The following RSRC1 variants were observed in gnomAD, a reference collection of about 807,000 sequenced individuals.
RSRC1 encodes the protein serine/Arginine-related protein 53.
In RSRC1, 39 loss-of-function variants were observed where a neutral mutation model predicts 49.1. The observed-to-expected ratio is 0.79, with a 90% CI of 0.61 to 1.04. The LOEUF (loss-of-function observed/expected upper bound fraction) is 1.04. Ranked by LOEUF, RSRC1 falls within the 50% of genes least tolerant of loss-of-function variation. RSRC1 has a pLI of 0.00. For synonymous variants in RSRC1, 143 were observed against 130.8 expected (o/e 1.09, Z -0.63); for missense variants, 388 against 402.4 (o/e 0.96, Z 0.31).
intron 5 of RSRC1, among the ~76,000 whole-genome samples, chr3:158,321,039 CT>C (rs990041337): frequency 1.3e-4 from 19 of 151,896 alleles, no homozygotes; most frequent in African/African-American, 4.1e-4. Context: ...AATATAAGTA[CT>C]TTTTTTTAAA....
At chr3:158,241,060 A>T (rs532217713) in intron 4 of RSRC1, among the ~76,000 whole-genome samples, 1 of 152,316 alleles carries the variant, frequency 6.6e-6, no homozygotes, top group African/African-American at 2.4e-5. Context: ...ATATGTATGT[A>T]TGTATAGGAA....
intron 1 of RSRC1, among the ~76,000 whole-genome samples, chr3:158,111,068 T>C (rs1047200882): frequency 2.6e-5 from 4 of 152,210 alleles, no homozygotes; most frequent in Non-Finnish European, 4.4e-5. Context: ...TTCAAATGTC[T>C]TATGTTGTCA....
intron 6 of RSRC1, among the ~76,000 whole-genome samples, chr3:158,387,317 C>T (rs147387897): frequency 6.6e-6 from 1 of 152,196 alleles, no homozygotes; most frequent in East Asian, 1.9e-4. Flanking sequence ...TTCTGGACTA[C>T]TCCAACTTTT....
chr3:158,119,160 C>A (rs534428332), intron 1 of RSRC1, among the ~76,000 whole-genome samples: 1 of 152,220 alleles, frequency 6.6e-6, no homozygotes, highest in East Asian at 1.9e-4. Context: ...TACATAAATT[C>A]AATCAATTTT....
intron 6 of RSRC1, among the ~76,000 whole-genome samples, chr3:158,364,816 A>AATAAT (rs1731669009): frequency 6.9e-6 from 1 of 144,210 alleles, no homozygotes; most frequent in Non-Finnish European, 1.5e-5. Context: ...AGAATGGGAA[A>AATAAT]AATAATAATA....
chr3:158,116,939 A>G (rs1714870532), intron 1 of RSRC1, among the ~76,000 whole-genome samples: 1 of 151,818 alleles, frequency 6.6e-6, no homozygotes, highest in Admixed American at 6.6e-5. Context: ...CTGTTGTGAT[A>G]CTCTTCTTTT....
intron 6 of RSRC1, among the ~76,000 whole-genome samples, chr3:158,433,403 GGTAATACAGAGAT>G (rs1397853015): frequency 5.3e-5 from 8 of 151,878 alleles, no homozygotes; most frequent in African/African-American, 1.9e-4. Context: ...GCAAAAATAA[GGTAATACAGAGAT>G]GCTACAGTAC....
intron 3 of RSRC1, among the ~76,000 whole-genome samples, chr3:158,177,979 G>A (rs981295073): frequency 3.3e-5 from 5 of 152,110 alleles, no homozygotes; most frequent in African/African-American, 4.8e-5. Context: ...ATGTGTGTCC[G>A]ATAGGAGTTT....
chr3:158,267,860 A>ATATTTTTTTT (rs1725283454), intron 4 of RSRC1, among the ~76,000 whole-genome samples: 1 of 125,050 alleles, frequency 8.0e-6, no homozygotes, highest in Non-Finnish European at 1.6e-5. Flanking sequence ...TTCCATATCT[A>ATATTTTTTTT]TTTTTTTTTT....
chr3:158,458,556 G>A (rs1458884740), intron 6 of RSRC1, among the ~76,000 whole-genome samples: 1 of 152,184 alleles, frequency 6.6e-6, no homozygotes, highest in African/African-American at 2.4e-5. Flanking sequence ...AGTGAAGGAA[G>A]CGAAGCCTAG....
intron 5 of RSRC1, among the ~76,000 whole-genome samples, chr3:158,302,208 CAG>C (rs1162975190): frequency 6.6e-6 from 1 of 151,996 alleles, no homozygotes; most frequent in African/African-American, 2.4e-5. Flanking sequence ...ATTCCTGGGT[CAG>C]AGGCAAAGTG....
chr3:158,218,955 A>G (rs1722094683), intron 4 of RSRC1, among the ~76,000 whole-genome samples: 1 of 151,688 alleles, frequency 6.6e-6, no homozygotes, highest in South Asian at 2.1e-4. Context: ...TGGAAGCCAG[A>G]CACACAAATA....
chr3:158,403,311 C>T (rs1273026779), intron 6 of RSRC1, among the ~76,000 whole-genome samples: 1 of 151,730 alleles, frequency 6.6e-6, no homozygotes, highest in Non-Finnish European at 1.5e-5. Context: ...ACTGGAAAAG[C>T]GTGTAATAAT....
intron 3 of RSRC1, among the ~76,000 whole-genome samples, chr3:158,146,252 A>G (rs7648169): frequency 0.59 from 90,037 of 151,876 alleles, 26,952 homozygotes; most frequent in East Asian, 0.71. Context: ...TCAGTATGAT[A>G]TTGGCTGTGG....
chr3:158,352,903 A>G (rs151036515), intron 5 of RSRC1, among the ~76,000 whole-genome samples: 1 of 152,202 alleles, frequency 6.6e-6, no homozygotes, highest in Non-Finnish European at 1.5e-5. Context: ...TGATACCTGT[A>G]GACAGTTTAT....
intron 5 of RSRC1, among the ~76,000 whole-genome samples, chr3:158,307,183 A>G (rs1727885131): frequency 6.6e-6 from 1 of 151,752 alleles, no homozygotes; most frequent in East Asian, 1.9e-4. Flanking sequence ...TTAAGGAAAA[A>G]TTACTTTTGT....
chr3:158,164,861 A>AT (rs2108229804), intron 3 of RSRC1, among the ~76,000 whole-genome samples: 1 of 152,310 alleles, frequency 6.6e-6, no homozygotes, highest in Non-Finnish European at 1.5e-5. Context: ...ACTTAAGCAT[A>AT]TTAGTCAATA....
chr3:158,125,488 C>A (rs1282279293), intron 3 of RSRC1, among the ~76,000 whole-genome samples: 1 of 152,016 alleles, frequency 6.6e-6, no homozygotes, highest in African/African-American at 2.4e-5. Context: ...TTTGGTTGTT[C>A]AAGAGTGTGT....
chr3:158,292,857 C>T (rs1227364667), intron 4 of RSRC1, among the ~76,000 whole-genome samples: 3 of 152,164 alleles, frequency 2.0e-5, no homozygotes, highest in South Asian at 2.1e-4. Flanking sequence ...GCAAGTAAGC[C>T]TCACATCATA....
Sources: allele counts gnomAD v4.1 joint callset (sites outside exome capture counted in the v4.1 genomes callset), GRCh38; gene constraint gnomAD v4.1.1; transcripts MANE v1.5; gene names NCBI Gene and HGNC (gene_info 2026-07-23, HGNC 2026-07-21).